The following CDH12 variants were observed in gnomAD, a reference collection of about 807,000 sequenced individuals.
The protein encoded by CDH12 is cadherin 12, also known as cadherin-12.
Under a neutral mutation model 74.1 loss-of-function variants are expected in CDH12, and 41 were observed. The ratio of observed to expected loss-of-function variants is 0.55; its 90% confidence interval spans 0.43 to 0.72. The LOEUF is 0.72. CDH12 is among the 30% of genes least tolerant of loss of function. The pLI, the probability that CDH12 is intolerant of heterozygous loss-of-function variation, is 0.00. For synonymous variants in CDH12, 399 were observed against 355.0 expected (o/e 1.12, Z -1.39); for missense variants, 945 against 977.2 (o/e 0.97, Z 0.44).
chr5:22,443,978 T>G (rs1744724140), intron 2 of CDH12, among the ~76,000 whole-genome samples: 1 of 152,090 alleles, frequency 6.6e-6, no homozygotes, highest in East Asian at 1.9e-4. Context: ...AAAGAAGGTT[T>G]GAATGACTTC....
intron 1 of CDH12, among the ~76,000 whole-genome samples, chr5:22,807,259 C>T (rs1316321836): frequency 6.6e-6 from 1 of 152,114 alleles, no homozygotes; most frequent in Admixed American, 6.6e-5. Flanking sequence ...TTGGAATTTT[C>T]AGTGATTATC....
chr5:22,235,187 T>C (rs1236167032), intron 3 of CDH12, among the ~76,000 whole-genome samples: 1 of 152,138 alleles, frequency 6.6e-6, no homozygotes, highest in Non-Finnish European at 1.5e-5. Context: ...GACAAATAAA[T>C]GTAAGCATGT....
chr5:22,260,204 C>G (rs559405130), intron 3 of CDH12, among the ~76,000 whole-genome samples: 1 of 152,090 alleles, frequency 6.6e-6, no homozygotes. Context: ...CAAATAACAT[C>G]TATCCTCTCT....
chr5:21,755,742 G>T lies in CDH12; in HGVS notation c.1734C>A (p.Val578=). 6.2e-7 allele frequency: 1 copy of T among 1,614,010 alleles called. No individual in the cohort carries two copies. Among genetic ancestry groups the T allele is most frequent in the East Asian group, 2.2e-5 (1 of 44,862 alleles). The change falls in exon 14 of 15, where the codon GTC becomes GTA. Residue 578 remains valine (V), a synonymous_variant. Coordinates refer to ENST00000382254, the MANE Select transcript of CDH12 (RefSeq NM_004061.5). ...PVVIEDSSYP[V]QSSTNTMTIR... ...TAGTCATTGTGTTTGTGCTGCTCTG[G>T]ACAGGGTAGCTGCTGTCTTCTATTA... is the stretch of plus-strand genomic sequence containing the variant.
At chr5:22,524,060 C>A (rs948288847) in intron 1 of CDH12, among the ~76,000 whole-genome samples, 3 of 151,282 alleles carry the variant, frequency 2.0e-5, no homozygotes, top group African/African-American at 7.3e-5. Context: ...CGGCTCACTG[C>A]AGCCTTGACC....
At chr5:22,268,216 C>T (rs921346319) in intron 3 of CDH12, among the ~76,000 whole-genome samples, 68 of 152,184 alleles carry the variant, frequency 4.5e-4, no homozygotes, top group Admixed American at 2.7e-3. Context: ...TCTCTCCCCT[C>T]TCATTCTTGC....
chr5:21,783,521 T>C, intron 10 of CDH12, 27 bp from the exon 11 acceptor site: 8 of 1,566,814 alleles, frequency 5.1e-6, no homozygotes, highest in Non-Finnish European at 7.0e-6. Context: ...TAGATGCAAA[T>C]GTGCAATGAT....
intron 3 of CDH12, among the ~76,000 whole-genome samples, chr5:22,371,149 A>C (rs2126343371): frequency 6.6e-6 from 1 of 152,252 alleles, no homozygotes; most frequent in African/African-American, 2.4e-5. Context: ...CTAAAAGCTT[A>C]ATTTTAATTT....
chr5:22,319,112 C>T (rs1738753551), intron 3 of CDH12, among the ~76,000 whole-genome samples: 1 of 152,006 alleles, frequency 6.6e-6, no homozygotes, highest in Non-Finnish European at 1.5e-5. Context: ...AAAATCAGAG[C>T]TACTTAGATT....
At chr5:21,882,394 A>C (rs1439384873) in intron 6 of CDH12, among the ~76,000 whole-genome samples, 1 of 152,240 alleles carries the variant, frequency 6.6e-6, no homozygotes. Context: ...TAAATCAGAA[A>C]AAAACAGGTT....
At chr5:22,006,517 T>C (rs1736968388) in intron 5 of CDH12, among the ~76,000 whole-genome samples, 1 of 152,040 alleles carries the variant, frequency 6.6e-6, no homozygotes, top group South Asian at 2.1e-4. Context: ...ACTTGATCTA[T>C]TTAGAAATTA....
At chr5:22,190,170 T>C (rs1166715440) in intron 4 of CDH12, among the ~76,000 whole-genome samples, 1 of 152,230 alleles carries the variant, frequency 6.6e-6, no homozygotes, top group Admixed American at 6.5e-5. Context: ...TTATACCTAA[T>C]TCAAATAGAG....
At chr5:22,633,357 C>A (rs892126619) in intron 1 of CDH12, among the ~76,000 whole-genome samples, 14 of 152,010 alleles carry the variant, frequency 9.2e-5, no homozygotes, top group African/African-American at 2.9e-4. Flanking sequence ...GTTTATATAT[C>A]TTTTCTTCTC....
At chr5:22,063,835 T>C (rs1259946087) in intron 5 of CDH12, among the ~76,000 whole-genome samples, 1 of 152,156 alleles carries the variant, frequency 6.6e-6, no homozygotes, top group Non-Finnish European at 1.5e-5. Context: ...GAAGGTATTC[T>C]GCCAGCGTAC....
At chr5:22,838,718 A>C (rs1736950712) in intron 1 of CDH12, among the ~76,000 whole-genome samples, 1 of 148,556 alleles carries the variant, frequency 6.7e-6, no homozygotes, top group African/African-American at 2.5e-5. Flanking sequence ...CTCTGTTGTC[A>C]GGTTGGAGTG....
intron 5 of CDH12, among the ~76,000 whole-genome samples, chr5:22,027,030 T>C (rs903647359): frequency 3.5e-4 from 54 of 152,328 alleles, no homozygotes; most frequent in Admixed American, 2.6e-3. Flanking sequence ...ATGAAGGTCG[T>C]TGAATTTTGT....
chr5:22,727,875 T>A (rs1744240412), intron 1 of CDH12, among the ~76,000 whole-genome samples: 1 of 151,776 alleles, frequency 6.6e-6, no homozygotes, highest in Non-Finnish European at 1.5e-5. Flanking sequence ...TTATTTTACT[T>A]TTGTTATCTG....
At chr5:22,823,194 G>C (rs1411489313) in intron 1 of CDH12, among the ~76,000 whole-genome samples, 1 of 147,390 alleles carries the variant, frequency 6.8e-6, no homozygotes, top group South Asian at 2.2e-4. Context: ...GAGAACACTT[G>C]GACACAGGAA....
At chr5:21,960,502 C>G (rs1450662111) in intron 6 of CDH12, among the ~76,000 whole-genome samples, 1 of 152,116 alleles carries the variant, frequency 6.6e-6, no homozygotes, top group Non-Finnish European at 1.5e-5. Flanking sequence ...GACAGGGAGT[C>G]ATATGCTGTA....
Sources: allele counts gnomAD v4.1 joint callset (sites outside exome capture counted in the v4.1 genomes callset), GRCh38; gene constraint gnomAD v4.1.1; transcripts MANE v1.5; gene names NCBI Gene and HGNC (gene_info 2026-07-23, HGNC 2026-07-21).